USP19: variants seen among roughly 807,000 people sequenced by gnomAD.
The protein encoded by USP19 is ubiquitin specific peptidase 19, also known as ubiquitin carboxyl-terminal hydrolase 19.
USP19 carries 40 observed loss-of-function variants against 144.8 expected under a neutral mutation model. That is an observed-to-expected ratio of 0.28 (90% CI 0.21 to 0.36). The LOEUF (loss-of-function observed/expected upper bound fraction) is 0.36. Ranked by LOEUF, USP19 falls within the 10% of genes least tolerant of loss-of-function variation. The pLI, the probability that USP19 is intolerant of heterozygous loss-of-function variation, is 1.00. For synonymous variants in USP19, 701 were observed against 709.3 expected, an observed-to-expected ratio of 0.99 and a Z score of 0.19; for missense variants, 1,518 against 1,822.5, an observed-to-expected ratio of 0.83 and a Z score of 3.04.
Position 49,110,857 on chromosome 3 carries a change from G to A in USP19, c.3552C>T (p.Cys1184=). 6.2e-7 allele frequency: 1 copy of A among 1,614,156 alleles called. No homozygotes were observed. The highest frequency in any genetic ancestry group is 8.5e-7 in the Non-Finnish European group (1 of 1,180,036). Residue 1184 remains cysteine, a synonymous_variant, in exon 24 of 27, where the codon TGC becomes TGT. Coordinates refer to ENST00000417901, the MANE Select transcript of USP19 (RefSeq NM_001199161.2). The surrounding 1 kb of genome is among the most constrained non-coding windows in gnomAD (Gnocchi z 6.1). ...CCTCACGGTGCTGTTTGCACTGTGG[G>A]CAGTACCTGGTGGGGACAGAGATTG... ...EVLAPEEAWY[C]PQCKQHREAS...
intron 2 of USP19, 139 bp downstream of exon 2, chr3:49,118,883 T>G: frequency 1.5e-6 from 2 of 1,328,664 alleles, no homozygotes; most frequent in Non-Finnish European, 2.1e-6. Context: ...TCTACTGAGG[T>G]TATCATGGGT....
rs1273439459 is a variant in USP19 at position 49,110,022 on chromosome 3, A to G, written c.4038+162T>C. On this transcript the variant is annotated intron_variant, in intron 26 of 26. Coordinates refer to ENST00000417901, the MANE Select transcript of USP19 (RefSeq NM_001199161.2). The surrounding 1 kb of genome is among the most constrained non-coding windows in gnomAD (Gnocchi z 6.1). ...TTGTTAGTGTCCCCAAGGCATGGGG[A>G]TGCCTCTGGCTAAAGCTTTGATGTT... 1 of 779,586 alleles carries G rather than the reference A, an allele frequency of 1.3e-6. No individual in the cohort carries two copies. The highest frequency in any genetic ancestry group is 1.8e-6 in the Non-Finnish European group (1 of 542,806). The allele number at this position is 779,586 out of a possible 1,614,324, so 48.3% of individuals were successfully genotyped here.
chr3:49,111,339 T>G lies in USP19; in HGVS notation c.3244A>C (p.Ser1082Arg), dbSNP rs1559995833. Residue 1082 changes from serine (S) to arginine (R), a missense_variant, in exon 22 of 27, where the codon AGT becomes CGT. This residue lies in a region of USP19 where 413 missense variants were observed against 515.8 expected (regional missense o/e 0.80). Coordinates refer to ENST00000417901, the MANE Select transcript of USP19 (RefSeq NM_001199161.2). The surrounding 1 kb of genome is among the most constrained non-coding windows in gnomAD (Gnocchi z 5.9). The stretch of plus-strand genomic sequence containing the variant: ...GGTGTGTGGGCATTCATAGCTTCAC[T>G]TGGATGCTGGTACCCAGGCACAGCA... Reference protein sequence around the residue: ...EAAVPGYQHPSEAMNAHTPQF... With the variant: ...EAAVPGYQHPREAMNAHTPQF... 6.2e-7 allele frequency: 1 copy of G among 1,614,122 alleles called. No homozygotes were observed. The highest frequency in any genetic ancestry group is 8.5e-7 in the Non-Finnish European group (1 of 1,180,030).
Position 49,108,434 on chromosome 3 carries a change from C to T in USP19, c.4133G>A (p.Ser1378Asn), listed in dbSNP as rs2042648464. The T allele has an allele frequency of 1.4e-6, 2 of 1,389,594 alleles. No homozygotes were observed. The highest frequency in any genetic ancestry group is 1.9e-6 in the Non-Finnish European group (2 of 1,058,396). The allele number at this position is 1,389,594 out of a possible 1,614,324, so 86.1% of individuals were successfully genotyped here. A position where few individuals can be genotyped will look rare whatever the true frequency, so the allele number is the denominator to read the frequency against. ...PPVDRPAPTYSNMEEVD is the reference protein window; with the variant it reads ...PPVDRPAPTYNNMEEVD ...CTGCTAATCCACCTCCTCCATGTTGCTGTAGGTGGGGGCTGGCCGATCCAC... is the reference window on the plus strand; with the variant it reads ...CTGCTAATCCACCTCCTCCATGTTGTTGTAGGTGGGGGCTGGCCGATCCAC... Residue 1378 changes from serine to asparagine, a missense_variant, in exon 27 of 27, where the codon AGC becomes AAC. Around this residue, in one of 5 missense-constraint regions of USP19, gnomAD observed 118 missense variants for 100.2 expected, o/e 1.18. Coordinates refer to ENST00000417901, the MANE Select transcript of USP19 (RefSeq NM_001199161.2). This position sits in a 1 kb window ranked among gnomAD's most constrained non-coding sequence, Gnocchi z 4.8.
At chr3:49,109,598 G>C (rs901875381) in intron 26 of USP19, among the ~76,000 whole-genome samples, 2 of 152,234 alleles carry the variant, frequency 1.3e-5, no homozygotes, top group East Asian at 3.9e-4. Context: ...AAGCTTGACA[G>C]AGAAGGCTCA....
At position 49,108,545 on chromosome 3, in the gene USP19, G is replaced by T; in HGVS notation, c.4039-17C>A. 8.1e-7 allele frequency: 1 copy of T among 1,239,028 alleles called. No homozygotes were observed. The highest frequency in any genetic ancestry group is 1.0e-6 in the Non-Finnish European group (1 of 967,172). The allele number at this position is 1,239,028 out of a possible 1,614,324, so 76.8% of individuals were successfully genotyped here. A position where few individuals can be genotyped will look rare whatever the true frequency, so the allele number is the denominator to read the frequency against. ...GCCTAGTCCCTGCAACAGAATACGA[G>T]GACAGGGGTTGGGGGCTGCCCAGCA... On this transcript the variant is annotated splice_polypyrimidine_tract_variant and intron_variant, in intron 26 of 26. Transcript: ENST00000417901. This position sits in a 1 kb window ranked among gnomAD's most constrained non-coding sequence, Gnocchi z 4.8.
Position 49,117,025 on chromosome 3 carries a change from T to C in USP19, c.909+34A>G. Reference sequence around the variant, plus strand: ...CTCCAGTGCACACCCTTTCCCCCCATCTCCTAACACCCAAACAGGTGCCCA... The same window carrying C: ...CTCCAGTGCACACCCTTTCCCCCCACCTCCTAACACCCAAACAGGTGCCCA... On this transcript the variant is annotated intron_variant, in intron 6 of 26. Transcript: ENST00000417901. The surrounding 1 kb of genome is among the most constrained non-coding windows in gnomAD (Gnocchi z 4.4). 6.5e-7 allele frequency: 1 copy of C among 1,530,924 alleles called. No homozygotes were observed. Among genetic ancestry groups the C allele is most frequent in the South Asian group, 1.2e-5 (1 of 81,022 alleles). The allele number at this position is 1,530,924 out of a possible 1,614,324, so 94.8% of individuals were successfully genotyped here.
Position 49,114,646 on chromosome 3 carries a change from GCTT to G in USP19, c.2292+114_2292+116del, listed in dbSNP as rs1459058954. ...ATAGAATCCTAAGGCCTCCCTGCCA[GCTT>G]CTTTGCCCAAACCTTGCCCTGTAGC... On this transcript the variant is annotated intron_variant, in intron 15 of 26. Coordinates refer to ENST00000417901, the MANE Select transcript of USP19 (RefSeq NM_001199161.2). This position sits in a 1 kb window ranked among gnomAD's most constrained non-coding sequence, Gnocchi z 4.5. 5.4e-6 allele frequency: 6 copies of G among 1,118,370 alleles called. No individual in the cohort carries two copies. The Admixed American group carries it at 1.3e-4, about 25-fold the overall frequency. The allele number at this position is 1,118,370 out of a possible 1,614,324, so 69.3% of individuals were successfully genotyped here.
rs757909235 is a variant in USP19, at chr3:49,111,204, A to G, written c.3329-38T>C. ...AGGGAGAGAGGTCATGCAGCTGTGG[A>G]GAACAGCCAGCTCAACCCACCCCAT... On this transcript the variant is annotated intron_variant, in intron 22 of 26. Coordinates refer to ENST00000417901, the MANE Select transcript of USP19 (RefSeq NM_001199161.2). This position sits in a 1 kb window ranked among gnomAD's most constrained non-coding sequence, Gnocchi z 5.9. The G allele has an allele frequency of 6.2e-7, 1 of 1,613,980 alleles. No homozygotes were observed. Among genetic ancestry groups the G allele is most frequent in the Admixed American group, 1.7e-5 (1 of 60,024 alleles).
chr3:49,119,340 C>T (rs185213684), intron 1 of USP19, 59 bp from the exon 2 acceptor site: 145 of 642,244 alleles, frequency 2.3e-4, no homozygotes, highest in Non-Finnish European at 2.8e-5. Context: ...TTTAGCTACA[C>T]CCAGGGCTCA....
rs2042913077 is a variant in USP19, at chr3:49,110,080, G to C, written c.4038+104C>G. 5 of 1,325,772 alleles carry C rather than the reference G, an allele frequency of 3.8e-6. No individual in the cohort carries two copies. Among genetic ancestry groups the C allele is most frequent in the Non-Finnish European group, 5.0e-6 (5 of 1,009,548 alleles). 82.1% of individuals were successfully genotyped at this position (1,325,772 alleles called of 1,614,324 possible). On this transcript the variant is annotated intron_variant, in intron 26 of 26. Transcript: ENST00000417901. This position sits in a 1 kb window ranked among gnomAD's most constrained non-coding sequence, Gnocchi z 6.1. ...CTCTGCAATTCTCATGAATCCCAAGGCTCAATGGGCCTGTGGCTGGAGGAG... is the reference window on the plus strand; with the variant it reads ...CTCTGCAATTCTCATGAATCCCAAGCCTCAATGGGCCTGTGGCTGGAGGAG...
chr3:49,114,724 C>T lies in USP19; in HGVS notation c.2292+39G>A. The T allele has an allele frequency of 6.2e-7, 1 of 1,604,874 alleles. No individual in the cohort carries two copies. The highest frequency in any genetic ancestry group is 8.5e-7 in the Non-Finnish European group (1 of 1,172,106). ...ACCTAATGTGACCAGAATAGCTGAGCTGAACTAGGGGGTCTCTTTCCAGGG... is the reference window on the plus strand; with the variant it reads ...ACCTAATGTGACCAGAATAGCTGAGTTGAACTAGGGGGTCTCTTTCCAGGG... On this transcript the variant is annotated intron_variant, in intron 15 of 26. Coordinates refer to ENST00000417901, the MANE Select transcript of USP19 (RefSeq NM_001199161.2). The surrounding 1 kb of genome is among the most constrained non-coding windows in gnomAD (Gnocchi z 4.5).
In USP19 at chr3:49,117,387, C is replaced by G; in HGVS notation, c.607-26G>C. The G allele has an allele frequency of 1.2e-6, 2 of 1,607,388 alleles. No individual in the cohort carries two copies. Among genetic ancestry groups the G allele is most frequent in the Non-Finnish European group, 1.7e-6 (2 of 1,174,918 alleles). On this transcript the variant is annotated intron_variant, in intron 5 of 26. Coordinates refer to ENST00000417901, the MANE Select transcript of USP19 (RefSeq NM_001199161.2). This position sits in a 1 kb window ranked among gnomAD's most constrained non-coding sequence, Gnocchi z 4.4. ...CTGCCAAAGATACAGCAGTCAGGCCCTGTCGACTACACTGGTATCCCTACC... is the reference window on the plus strand; with the variant it reads ...CTGCCAAAGATACAGCAGTCAGGCCGTGTCGACTACACTGGTATCCCTACC...
In USP19 at chr3:49,112,638, A is replaced by G; in HGVS notation, c.2506-9T>C. 1 of 1,610,936 alleles carries G rather than the reference A, an allele frequency of 6.2e-7. No individual in the cohort carries two copies. The highest frequency in any genetic ancestry group is 1.1e-5 in the South Asian group (1 of 90,648). Reference sequence around the variant, plus strand: ...AAACGATTCTTAATTACCTGGGGACAGAGAACACACAGATCCCACGTGAGG... The same window carrying G: ...AAACGATTCTTAATTACCTGGGGACGGAGAACACACAGATCCCACGTGAGG... On this transcript the variant is annotated splice_polypyrimidine_tract_variant and intron_variant, in intron 17 of 26. Coordinates refer to ENST00000417901, the MANE Select transcript of USP19 (RefSeq NM_001199161.2). The surrounding 1 kb of genome is among the most constrained non-coding windows in gnomAD (Gnocchi z 4.9).
In USP19 at chr3:49,115,577, C is replaced by G; in HGVS notation, c.1755G>C (p.Glu585Asp). 6.2e-7 allele frequency: 1 copy of G among 1,612,910 alleles called. No individual in the cohort carries two copies. Among genetic ancestry groups the G allele is most frequent in the Non-Finnish European group, 8.5e-7 (1 of 1,179,408 alleles). Reference sequence around the variant, plus strand: ...CCTTCTTCTCTTCCTCTTCCTCCTCCTCCACGCTGTCTCCACTAACTGGGC... The same window carrying G: ...CCTTCTTCTCTTCCTCTTCCTCCTCGTCCACGCTGTCTCCACTAACTGGGC... ...PHSPVSGDSV[E>D]EEEEEEKKVC... The change falls in exon 12 of 27, where the codon GAG becomes GAC. Residue 585 changes from glutamate (E) to aspartate (D), a missense_variant. Around this residue, in one of 5 missense-constraint regions of USP19, gnomAD observed 158 missense variants for 277.3 expected, o/e 0.57. Coordinates refer to ENST00000417901, the MANE Select transcript of USP19 (RefSeq NM_001199161.2). This position sits in a 1 kb window ranked among gnomAD's most constrained non-coding sequence, Gnocchi z 6.6.
chr3:49,110,304 C>G lies in USP19; in HGVS notation c.3918G>C (p.Thr1306=), dbSNP rs748241263. 1 of 1,607,630 alleles carries G rather than the reference C, an allele frequency of 6.2e-7. No individual in the cohort carries two copies. The highest frequency in any genetic ancestry group is 8.5e-7 in the Non-Finnish European group (1 of 1,175,910). Residue 1306 remains threonine, a synonymous_variant, in exon 26 of 27, where the codon ACG becomes ACC. Transcript: ENST00000417901. This position sits in a 1 kb window ranked among gnomAD's most constrained non-coding sequence, Gnocchi z 6.1. ...VTTVDESQVV[T]RYAYVLFYRR... Reference sequence around the variant, plus strand: ...GGTAGAAGAGTACATAGGCATAACGCGTCACAACCTGGCTCTCGTCTACCG... The same window carrying G: ...GGTAGAAGAGTACATAGGCATAACGGGTCACAACCTGGCTCTCGTCTACCG...
rs750990636 is a variant in USP19, at chr3:49,117,468, T to A, written c.575A>T (p.Lys192Met). The change falls in exon 5 of 27, where the codon AAG becomes ATG. Residue 192 changes from lysine (K) to methionine (M), a missense_variant. By Grantham distance (95) the Lys-to-Met change is moderately conservative. Transcript: ENST00000417901. This position sits in a 1 kb window ranked among gnomAD's most constrained non-coding sequence, Gnocchi z 4.4. ...GGAGGGCCACGTGAGCATAGGCACC[T>A]TTTTGGGCAGTGTCAGGTGCAGGAG... ...GSLLHLTLPKKVPMLTWPSLL... is the reference protein window; with the variant it reads ...GSLLHLTLPKMVPMLTWPSLL... 6.2e-7 allele frequency: 1 copy of A among 1,614,114 alleles called. No individual in the cohort carries two copies. The highest frequency in any genetic ancestry group is 8.5e-7 in the Non-Finnish European group (1 of 1,180,028).
Position 49,110,111 on chromosome 3 carries a change from G to A in USP19, c.4038+73C>T. The A allele has an allele frequency of 1.4e-6, 2 of 1,424,354 alleles. No individual in the cohort carries two copies. The highest frequency in any genetic ancestry group is 9.2e-7 in the Non-Finnish European group (1 of 1,088,600). 88.2% of individuals were successfully genotyped at this position (1,424,354 alleles called of 1,614,324 possible). On this transcript the variant is annotated intron_variant, in intron 26 of 26. Coordinates refer to ENST00000417901, the MANE Select transcript of USP19 (RefSeq NM_001199161.2). The surrounding 1 kb of genome is among the most constrained non-coding windows in gnomAD (Gnocchi z 6.1). ...TGGGCCTGTGGCTGGAGGAGAGGAA[G>A]CTATATCCCCCAACCCGGCCCCAGT...
intron 17 of USP19, among the ~76,000 whole-genome samples, chr3:49,113,078 G>A (rs2107359194): frequency 6.6e-6 from 1 of 152,300 alleles, no homozygotes; most frequent in Non-Finnish European, 1.5e-5. Context: ...GGGAGAGGCA[G>A]AGCGAACATA....
Sources: gnomAD v4.1 joint callset for allele counts (sites outside exome capture counted in the v4.1 genomes callset) on GRCh38, gnomAD v4.1.1 for gene constraint, gnomAD v4.1.1 regional missense constraint, Gnocchi (gnomAD v3.1) non-coding constraint, MANE v1.5 for transcripts, NCBI Gene and HGNC (gene_info 2026-07-23, HGNC 2026-07-21) for gene names.